The following CNTN5 variants were observed in gnomAD, a reference collection of about 807,000 sequenced individuals.
CNTN5 encodes contactin-5.
In CNTN5, 77 loss-of-function variants were observed where a neutral mutation model predicts 129.1. The ratio of observed to expected loss-of-function variants is 0.60; its 90% CI spans 0.50 to 0.72. The LOEUF is 0.72. Ranked by LOEUF, CNTN5 falls within the 30% of genes least tolerant of loss-of-function variation. The pLI is 0.00. For synonymous variants in CNTN5, 509 were observed against 465.6 expected (o/e 1.09, Z -1.20); for missense variants, 1,478 against 1,328.8 (o/e 1.11, Z -1.75).
intron 2 of CNTN5, among the ~76,000 whole-genome samples, chr11:99,464,922 T>C (rs1020516290): frequency 1.3e-5 from 2 of 152,230 alleles, no homozygotes; most frequent in Non-Finnish European, 2.9e-5. Flanking sequence ...TATTTTATTA[T>C]CATAAATTAG....
At chr11:100,003,833 G>T (rs1215729281) in intron 9 of CNTN5, 1 of 152,112 alleles carries the variant, frequency 6.6e-6, no homozygotes, top group Non-Finnish European at 1.5e-5. Flanking sequence ...AAAGAAGACT[G>T]CTTCACTCAA....
At chr11:99,247,005 G>A (rs1252630276) in intron 1 of CNTN5, among the ~76,000 whole-genome samples, 1 of 152,078 alleles carries the variant, frequency 6.6e-6, no homozygotes, top group Non-Finnish European at 1.5e-5. Flanking sequence ...ATTGACAGAA[G>A]TTTATAGCTT....
At chr11:100,175,953 T>C (rs7927450) in intron 13 of CNTN5, among the ~76,000 whole-genome samples, 4,702 of 152,208 alleles carry the variant, frequency 0.031, 245 homozygotes, top group African/African-American at 0.11. Context: ...TTATATCCTA[T>C]AAAAAGGTGC....
intron 2 of CNTN5, among the ~76,000 whole-genome samples, chr11:99,457,050 T>A (rs934027439): frequency 3.9e-5 from 6 of 151,972 alleles, no homozygotes; most frequent in Non-Finnish European, 7.4e-5. Flanking sequence ...CAATTATGAA[T>A]TAAGAAATTT....
intron 1 of CNTN5, among the ~76,000 whole-genome samples, chr11:99,021,841 A>C (rs770628292): frequency 2.6e-5 from 4 of 152,204 alleles, no homozygotes; most frequent in Non-Finnish European, 5.9e-5. Flanking sequence ...TAGGATTGTG[A>C]TAGATTAAAA....
intron 1 of CNTN5, among the ~76,000 whole-genome samples, chr11:99,235,701 G>A (rs964223046): frequency 1.3e-5 from 2 of 152,090 alleles, no homozygotes; most frequent in Non-Finnish European, 2.9e-5. Flanking sequence ...TGAAAAGTTA[G>A]TTGGATTTCT....
intron 1 of CNTN5, among the ~76,000 whole-genome samples, chr11:99,215,462 G>A (rs1482768613): frequency 1.3e-5 from 2 of 152,106 alleles, no homozygotes; most frequent in Non-Finnish European, 2.9e-5. Flanking sequence ...ATGGCTTGGA[G>A]TATATTTGGA....
intron 7 of CNTN5, among the ~76,000 whole-genome samples, chr11:99,942,457 G>GT (rs1364182130): frequency 1.1e-4 from 16 of 152,074 alleles, no homozygotes; most frequent in Middle Eastern, 3.4e-3. Flanking sequence ...AAGCAAACTG[G>GT]TGCACGAGTT....
chr11:100,232,733 T>A, intron 16 of CNTN5, among the ~76,000 whole-genome samples: 1 of 152,176 alleles, frequency 6.6e-6, no homozygotes, highest in Non-Finnish European at 1.5e-5. Flanking sequence ...TAGCTAAACA[T>A]GAACAACTTT....
At chr11:99,548,198 G>A (rs556320764) in intron 2 of CNTN5, among the ~76,000 whole-genome samples, 1 of 152,104 alleles carries the variant, frequency 6.6e-6, no homozygotes, top group East Asian at 1.9e-4. Context: ...TGATTTAATA[G>A]AAAGAGGTAT....
chr11:99,373,924 T>G (rs1002119051), intron 2 of CNTN5, among the ~76,000 whole-genome samples: 2 of 152,184 alleles, frequency 1.3e-5, no homozygotes. Context: ...TTTAACCATA[T>G]GCTTCCTCTG....
At chr11:99,941,184 A>G (rs766036534) in intron 7 of CNTN5, among the ~76,000 whole-genome samples, 9 of 152,050 alleles carry the variant, frequency 5.9e-5, no homozygotes, top group Non-Finnish European at 1.2e-4. Context: ...TTTAGCTAGA[A>G]TACTGGAATT....
intron 3 of CNTN5, among the ~76,000 whole-genome samples, chr11:99,616,572 AG>A (rs1346985680): frequency 6.6e-6 from 1 of 152,230 alleles, no homozygotes; most frequent in East Asian, 1.9e-4. Flanking sequence ...CTTATAATCT[AG>A]TAGAGAATGT....
At chr11:99,567,366 A>AT (rs5793996) in intron 3 of CNTN5, among the ~76,000 whole-genome samples, 11,522 of 149,958 alleles carry the variant, frequency 0.077, 596 homozygotes, top group African/African-American at 0.15. Flanking sequence ...AACAAAAGGC[A>AT]TTTTTTTTTT....
At chr11:99,297,264 A>T (rs1864429337) in intron 1 of CNTN5, among the ~76,000 whole-genome samples, 1 of 152,190 alleles carries the variant, frequency 6.6e-6, no homozygotes, top group African/African-American at 2.4e-5. Flanking sequence ...AGAAAGACCC[A>T]TCCATTGAAG....
intron 11 of CNTN5, among the ~76,000 whole-genome samples, chr11:100,070,947 G>A (rs972069748): frequency 6.6e-6 from 1 of 150,816 alleles, no homozygotes; most frequent in African/African-American, 2.4e-5. Flanking sequence ...ACCTAAAATT[G>A]CTCGGTATCT....
At chr11:99,972,950 C>A (rs1486544280) in intron 8 of CNTN5, among the ~76,000 whole-genome samples, 1 of 151,912 alleles carries the variant, frequency 6.6e-6, no homozygotes. Context: ...CCGTACATTT[C>A]CATGGTGAGA....
intron 3 of CNTN5, among the ~76,000 whole-genome samples, chr11:99,707,194 G>T (rs182454781): frequency 6.6e-6 from 1 of 151,382 alleles, no homozygotes; most frequent in East Asian, 2.0e-4. Context: ...TATTGGTCAA[G>T]TAAAATATAT....
rs1404828338 is a variant in CNTN5, at chr11:99,819,709, A to G, written c.221A>G (p.Gln74Arg). ...TCACCCAGCTGGCTAGGGGCAGCTCAGAATTATTATTCCCCCATCAATCTT... is the reference window on the plus strand; with the variant it reads ...TCACCCAGCTGGCTAGGGGCAGCTCGGAATTATTATTCCCCCATCAATCTT... ...ASSPSWLGAA[Q>R]NYYSPINLYH... The change falls in exon 4 of 25, where the codon CAG (glutamine) becomes CGG (arginine). Residue 74 changes from glutamine (Q) to arginine (R), a missense_variant. Gln to Arg is a conservative substitution (Grantham distance 43). Transcript: ENST00000524871. 3.1e-6 allele frequency: 5 copies of G among 1,612,346 alleles called. No individual in the cohort carries two copies. In the Middle Eastern group the frequency reaches 5.0e-4, roughly 160 times the overall value.
Sources: gnomAD v4.1 joint callset for allele counts (sites outside exome capture counted in the v4.1 genomes callset) on GRCh38, gnomAD v4.1.1 for gene constraint, MANE v1.5 for transcripts, NCBI Gene and HGNC (gene_info 2026-07-23, HGNC 2026-07-21) for gene names.